SEMA5A: variants seen among roughly 807,000 people sequenced by gnomAD.
SEMA5A encodes semaphorin 5A.
In SEMA5A, 55 loss-of-function variants were observed where a neutral mutation model predicts 135.5. The ratio of observed to expected loss-of-function variants is 0.41; its 90% CI spans 0.33 to 0.51. SEMA5A has a LOEUF of 0.51. SEMA5A is among the 20% of genes least tolerant of loss of function. SEMA5A has a pLI of 0.37. For synonymous variants in SEMA5A, 580 were observed against 546.5 expected (o/e 1.06, Z -0.85); for missense variants, 1,290 against 1,419.9 (o/e 0.91, Z 1.47).
chr5:9,375,827 C>T (rs527320801), intron 3 of SEMA5A, among the ~76,000 whole-genome samples: 1 of 151,824 alleles, frequency 6.6e-6, no homozygotes, highest in Admixed American at 6.6e-5. Context: ...TTGAAAATAT[C>T]CCCATTCTTG....
chr5:9,510,710 A>G (rs1736156296), intron 1 of SEMA5A, among the ~76,000 whole-genome samples: 1 of 152,214 alleles, frequency 6.6e-6, no homozygotes, highest in Non-Finnish European at 1.5e-5. Context: ...TCCCAAGTTA[A>G]TGCAAATTTA....
intron 5 of SEMA5A, among the ~76,000 whole-genome samples, chr5:9,251,347 A>G (rs1304532596): frequency 6.6e-6 from 1 of 152,176 alleles, no homozygotes; most frequent in Non-Finnish European, 1.5e-5. Flanking sequence ...GAGCCATGCT[A>G]TTAAATGCTG....
At chr5:9,072,975 A>C (rs944541589) in intron 16 of SEMA5A, among the ~76,000 whole-genome samples, 1 of 152,200 alleles carries the variant, frequency 6.6e-6, no homozygotes, top group African/African-American at 2.4e-5. Context: ...ACTGCATCCC[A>C]TATGTTCAAG....
intron 3 of SEMA5A, among the ~76,000 whole-genome samples, chr5:9,371,248 AAAGT>A (rs1755122633): frequency 1.3e-5 from 2 of 152,198 alleles, no homozygotes; most frequent in African/African-American, 4.8e-5. Context: ...CTAGAACGCA[AAAGT>A]AACATGAAAG....
chr5:9,127,271 T>G (rs191712386), intron 13 of SEMA5A, among the ~76,000 whole-genome samples: 1 of 152,076 alleles, frequency 6.6e-6, no homozygotes, highest in Non-Finnish European at 1.5e-5. Context: ...GCTATGGAGG[T>G]CAAAGCAGTT....
At chr5:9,504,738 C>A (rs1395973554) in intron 1 of SEMA5A, among the ~76,000 whole-genome samples, 1 of 152,210 alleles carries the variant, frequency 6.6e-6, no homozygotes, top group Non-Finnish European at 1.5e-5. Flanking sequence ...AAAGAAGGAG[C>A]TGGGAGCCAA....
intron 3 of SEMA5A, among the ~76,000 whole-genome samples, chr5:9,351,779 T>C (rs1754128417): frequency 6.6e-6 from 1 of 152,178 alleles, no homozygotes; most frequent in Non-Finnish European, 1.5e-5. Flanking sequence ...GGTGTCCCCA[T>C]GGACTTCCAG....
At chr5:9,387,529 C>A (rs945957247) in intron 2 of SEMA5A, among the ~76,000 whole-genome samples, 2 of 152,168 alleles carry the variant, frequency 1.3e-5, no homozygotes, top group Admixed American at 6.5e-5. Context: ...AATATAGAGA[C>A]TGTCATCTTT....
intron 2 of SEMA5A, among the ~76,000 whole-genome samples, chr5:9,403,903 T>A (rs1756770800): frequency 6.6e-6 from 1 of 152,046 alleles, no homozygotes; most frequent in South Asian, 2.1e-4. Context: ...TCACCCAGCC[T>A]CCTACTGTGA....
At chr5:9,456,624 C>T (rs191576739) in intron 1 of SEMA5A, among the ~76,000 whole-genome samples, 1 of 152,246 alleles carries the variant, frequency 6.6e-6, no homozygotes, top group East Asian at 1.9e-4. Flanking sequence ...GACCCCAAAC[C>T]ACAAAGGGGC....
chr5:9,214,834 G>C (rs1746525772), intron 8 of SEMA5A, among the ~76,000 whole-genome samples: 1 of 152,176 alleles, frequency 6.6e-6, no homozygotes. Flanking sequence ...TTCAGATATA[G>C]AATAAGCAAC....
chr5:9,472,994 T>C (rs1382259850), intron 1 of SEMA5A, among the ~76,000 whole-genome samples: 2 of 150,468 alleles, frequency 1.3e-5, no homozygotes, highest in Non-Finnish European at 3.0e-5. Flanking sequence ...CGTAGCATTA[T>C]TCATTTCATC....
chr5:9,516,243 G>T (rs1300115320), intron 1 of SEMA5A, among the ~76,000 whole-genome samples: 1 of 151,824 alleles, frequency 6.6e-6, no homozygotes, highest in Non-Finnish European at 1.5e-5. Flanking sequence ...CACAGACACA[G>T]ATACGCAAAC....
chr5:9,539,139 G>A (rs1281555747), intron 1 of SEMA5A, among the ~76,000 whole-genome samples: 1 of 152,150 alleles, frequency 6.6e-6, no homozygotes, highest in Non-Finnish European at 1.5e-5. Flanking sequence ...CTAGCCCGAG[G>A]CAACCACTCA....
At chr5:9,310,873 A>AAT (rs1053241924) in intron 5 of SEMA5A, among the ~76,000 whole-genome samples, 60 of 149,810 alleles carry the variant, frequency 4.0e-4, no homozygotes, top group African/African-American at 1.3e-3. Flanking sequence ...TTGCATATAT[A>AAT]ATATATATAT....
intron 16 of SEMA5A, among the ~76,000 whole-genome samples, chr5:9,095,295 T>C (rs1739255198): frequency 6.6e-6 from 1 of 152,008 alleles, no homozygotes; most frequent in African/African-American, 2.4e-5. Context: ...ACACCTAATG[T>C]AGATGATGGG....
At chr5:9,327,641 G>A (rs1041425134) in intron 4 of SEMA5A, among the ~76,000 whole-genome samples, 10 of 152,048 alleles carry the variant, frequency 6.6e-5, no homozygotes, top group Admixed American at 6.5e-5. Context: ...AAACAATGCC[G>A]CCAGCAAATC....
chr5:9,207,272 G>A (rs750450457), intron 8 of SEMA5A, among the ~76,000 whole-genome samples: 7 of 151,718 alleles, frequency 4.6e-5, no homozygotes, highest in African/African-American at 1.5e-4. Flanking sequence ...TGCAACCTCC[G>A]CCTCCCAGGT....
At chr5:9,321,119 C>T (rs550241193) in intron 4 of SEMA5A, among the ~76,000 whole-genome samples, 1 of 152,110 alleles carries the variant, frequency 6.6e-6, no homozygotes, top group Non-Finnish European at 1.5e-5. Context: ...TTATAAGCAT[C>T]TGGCATTTCC....
Sources: gnomAD v4.1 joint callset for allele counts (sites outside exome capture counted in the v4.1 genomes callset) on GRCh38, gnomAD v4.1.1 for gene constraint, MANE v1.5 for transcripts, NCBI Gene and HGNC (gene_info 2026-07-23, HGNC 2026-07-21) for gene names.